DRC1: variants seen among roughly 807,000 people sequenced by gnomAD.
The protein encoded by DRC1 is dynein regulatory complex subunit 1.
Under a neutral mutation model 98.7 loss-of-function variants are expected in DRC1, and 74 were observed. The observed-to-expected ratio is 0.75, with a 90% confidence interval of 0.62 to 0.91. The LOEUF is 0.91. DRC1 is among the 40% of genes least tolerant of loss of function. The pLI, the probability that DRC1 is intolerant of heterozygous loss-of-function variation, is 0.00. For synonymous variants in DRC1, 336 were observed against 334.1 expected, an observed-to-expected ratio of 1.01 and a Z score of -0.06; for missense variants, 875 against 886.0, an observed-to-expected ratio of 0.99 and a Z score of 0.16.
chr2:26,413,226 T>C (rs1236759636), intron 1 of DRC1, among the ~76,000 whole-genome samples: 1 of 152,238 alleles, frequency 6.6e-6, no homozygotes, highest in African/African-American at 2.4e-5. Context: ...TTCTGAAATA[T>C]TGTTTTCTCT....
At chr2:26,444,461 C>A in intron 9 of DRC1, 105 bp downstream of exon 9, 1 of 1,468,734 alleles carries the variant, frequency 6.8e-7, no homozygotes, top group Non-Finnish European at 9.1e-7. Context: ...ACCAGCTATT[C>A]TGGGGCTGGA....
intron 1 of DRC1, among the ~76,000 whole-genome samples, chr2:26,411,562 AAGTTAATAGT>A (rs1045481195): frequency 2.5e-4 from 13 of 51,082 alleles, no homozygotes; most frequent in Non-Finnish European, 1.8e-4. Flanking sequence ...GATGAGATTT[AAGTTAATAGT>A]AGTTAATAAG....
At chr2:26,456,405 G>A (rs1176229436) in intron 16 of DRC1, 56 bp from the exon 17 acceptor site, 1 of 1,610,576 alleles carries the variant, frequency 6.2e-7, no homozygotes, top group African/African-American at 1.3e-5. Flanking sequence ...TCGCAAGGGT[G>A]GCAAAGAAGG....
intron 13 of DRC1, among the ~76,000 whole-genome samples, chr2:26,451,063 G>T (rs561784383): frequency 2.6e-5 from 4 of 152,288 alleles, no homozygotes; most frequent in African/African-American, 9.6e-5. Context: ...TTGTCCCGAA[G>T]CCCCCAGAGC....
At position 26,440,370 on chromosome 2, in the gene DRC1, A is replaced by G. The variant is rs1197944454; in HGVS notation, c.889-8A>G. Reference sequence around the variant, plus strand: ...GTATATATATATATATAGTTTTTTTAACTTTAGATTCTTGAGCAGCAGCTT... The same window carrying G: ...GTATATATATATATATAGTTTTTTTGACTTTAGATTCTTGAGCAGCAGCTT... On this transcript the variant is annotated splice_region_variant and splice_polypyrimidine_tract_variant and intron_variant, in intron 7 of 16. Transcript: ENST00000288710. The G allele has an allele frequency of 6.3e-7, 1 of 1,596,314 alleles. No homozygotes were observed. The highest frequency in any genetic ancestry group is 1.1e-5 in the South Asian group (1 of 88,706).
intron 2 of DRC1, among the ~76,000 whole-genome samples, chr2:26,415,532 G>A (rs1189757492): frequency 6.6e-6 from 1 of 152,206 alleles, no homozygotes; most frequent in Non-Finnish European, 1.5e-5. Context: ...ATATTTTACT[G>A]TGGAAAGGAT....
rs180939870 is a variant in DRC1 at position 26,412,481 on chromosome 2, A to C, written c.156-1863A>C. On this transcript the variant is annotated intron_variant, in intron 1 of 16. Transcript: ENST00000288710. ...ATGGACACTGTGTGCCAGAGGAGAG[A>C]GCAGGGTCTTGATGATGTAAGTGGC... is the stretch of plus-strand genomic sequence containing the variant. Among the ~76,000 whole-genome samples, 3 of 152,220 alleles carry C rather than the reference A, an allele frequency of 2.0e-5. No individual in the cohort carries two copies. The East Asian group carries it at 5.8e-4, about 29-fold the overall frequency.
At chr2:26,455,368 A>G (rs760217520) in intron 16 of DRC1, 135 bp downstream of exon 16, 17 of 802,194 alleles carry the variant, frequency 2.1e-5, no homozygotes, top group Non-Finnish European at 2.7e-5. Flanking sequence ...GTAAAAAATC[A>G]AGAGTGGCAC....
intron 16 of DRC1, 76 bp from the exon 17 acceptor site, chr2:26,456,385 C>A (rs1489343580): frequency 6.3e-7 from 1 of 1,585,122 alleles, no homozygotes. Flanking sequence ...CATGGGAGAG[C>A]CAGCGTGGCT....
chr2:26,415,812 G>T (rs759721329), intron 2 of DRC1, among the ~76,000 whole-genome samples: 13 of 151,960 alleles, frequency 8.6e-5, no homozygotes, highest in Non-Finnish European at 1.3e-4. Context: ...CACGCCTGGG[G>T]TCCCCCCTAC....
intron 1 of DRC1, among the ~76,000 whole-genome samples, chr2:26,403,440 TTTTTTTAACCATTTA>T (rs1411795287): frequency 6.6e-6 from 1 of 152,178 alleles, no homozygotes; most frequent in African/African-American, 2.4e-5. Flanking sequence ...CATCCTAGTC[TTTTTTTAACCATTTA>T]TTTATTAACC....
chr2:26,415,314 A>G (rs960302822), intron 2 of DRC1, among the ~76,000 whole-genome samples: 3 of 152,224 alleles, frequency 2.0e-5, no homozygotes, highest in Admixed American at 2.0e-4. Flanking sequence ...GAACTCAGAT[A>G]TGGAGAGGAA....
intron 6 of DRC1, among the ~76,000 whole-genome samples, chr2:26,431,253 C>T (rs1035605688): frequency 2.0e-5 from 3 of 152,154 alleles, no homozygotes; most frequent in Non-Finnish European, 2.9e-5. Context: ...CGCGCCCGGC[C>T]GCCTTTTTGT....
intron 1 of DRC1, among the ~76,000 whole-genome samples, chr2:26,404,024 C>T (rs1678342315): frequency 6.6e-6 from 1 of 150,862 alleles, no homozygotes; most frequent in Non-Finnish European, 1.5e-5. Flanking sequence ...CGCTTGAACC[C>T]AGGAGGCGGA....
At chr2:26,403,183 T>A (rs1392963554) in intron 1 of DRC1, among the ~76,000 whole-genome samples, 1 of 152,164 alleles carries the variant, frequency 6.6e-6, no homozygotes. Context: ...AGTATAGCAT[T>A]CGCATATACT....
At chr2:26,433,768 G>A (rs1371131399) in intron 7 of DRC1, among the ~76,000 whole-genome samples, 1 of 152,126 alleles carries the variant, frequency 6.6e-6, no homozygotes, top group Non-Finnish European at 1.5e-5. Context: ...GGGAGACCTG[G>A]TACCACTGGC....
Position 26,454,702 on chromosome 2 carries a change from T to G in DRC1, c.1975T>G (p.Ser659Ala). The G allele has an allele frequency of 6.2e-7, 1 of 1,614,128 alleles. No individual in the cohort carries two copies. Residue 659 changes from serine (S) to alanine (A), a missense_variant, in exon 15 of 17, where the codon TCG becomes GCG. By Grantham distance (99) the Ser-to-Ala change is moderately conservative. Transcript: ENST00000288710. This position sits in a 1 kb window ranked among gnomAD's most constrained non-coding sequence, Gnocchi z 5.2. Reference sequence around the variant, plus strand: ...GAATGTGCGTGACAACTCCAAGGACTCGGAGTACTGGCAGGCCCTGACCAC... The same window carrying G: ...GAATGTGCGTGACAACTCCAAGGACGCGGAGTACTGGCAGGCCCTGACCAC... Reference protein sequence around the residue: ...QKNVRDNSKDSEYWQALTTVI... With the variant: ...QKNVRDNSKDAEYWQALTTVI...
intron 3 of DRC1, among the ~76,000 whole-genome samples, chr2:26,423,913 G>C (rs1204171958): frequency 6.6e-6 from 1 of 152,248 alleles, no homozygotes; most frequent in Non-Finnish European, 1.5e-5. Context: ...TTGAACATAA[G>C]CTCTGTGACT....
Position 26,456,593 on chromosome 2 carries a change from A to C in DRC1, c.*76A>C. 6.4e-7 allele frequency: 1 copy of C among 1,563,562 alleles called. No homozygotes were observed. Among genetic ancestry groups the C allele is most frequent in the Non-Finnish European group, 8.8e-7 (1 of 1,136,552 alleles). ...GTGCCGGAGCCAGCTCATATCACCC[A>C]CTGGGCCGCACCTGGGCCTGCTCTC... On this transcript the variant is annotated 3_prime_UTR_variant, in exon 17 of 17. Coordinates refer to ENST00000288710, the MANE Select transcript of DRC1 (RefSeq NM_145038.5).
Sources: gnomAD v4.1 joint callset for allele counts (sites outside exome capture counted in the v4.1 genomes callset) on GRCh38, gnomAD v4.1.1 for gene constraint, Gnocchi (gnomAD v3.1) non-coding constraint, MANE v1.5 for transcripts, NCBI Gene and HGNC (gene_info 2026-07-23, HGNC 2026-07-21) for gene names.